Variants in TRPV4 observed in about 807,000 individuals in gnomAD.
The protein encoded by TRPV4 is transient receptor potential cation channel subfamily V member 4, also known as OSM9-like transient receptor potential channel 4.
In TRPV4, 58 loss-of-function variants were observed where a neutral mutation model predicts 84.1. The observed-to-expected ratio is 0.69, with a 90% CI of 0.56 to 0.86. The LOEUF is 0.86. TRPV4 is among the 40% of genes least tolerant of loss of function. TRPV4 has a pLI of 0.00. For missense variants in TRPV4, 879 were observed against 1,181.1 expected (o/e 0.74, Z 3.75); for synonymous variants, 489 against 500.9 (o/e 0.98, Z 0.32).
chr12:109,828,453 G>C (rs1371329107), intron 1 of TRPV4, among the ~76,000 whole-genome samples: 2 of 152,188 alleles, frequency 1.3e-5, no homozygotes, highest in African/African-American at 4.8e-5. Flanking sequence ...GGCCACTGGG[G>C]TGCCAGCTCA....
chr12:109,821,117 A>G (rs1892084027), intron 1 of TRPV4, among the ~76,000 whole-genome samples: 2 of 152,252 alleles, frequency 1.3e-5, no homozygotes, highest in Non-Finnish European at 2.9e-5. Flanking sequence ...TGACCAAGGA[A>G]AGCTGCTTAA....
At chr12:109,789,527 G>T (rs1889905443) in intron 12 of TRPV4, among the ~76,000 whole-genome samples, 1 of 152,100 alleles carries the variant, frequency 6.6e-6, no homozygotes, top group Admixed American at 6.6e-5. Context: ...TCTCTAAGGG[G>T]CCTCTCCTGC....
chr12:109,803,047 C>T lies in TRPV4; in HGVS notation c.656G>A (p.Arg219His), dbSNP rs767331924. 13 of 1,614,152 alleles carry T rather than the reference C, an allele frequency of 8.1e-6. No homozygotes were observed. In the African/African-American group the frequency reaches 1.1e-4, roughly 13 times the overall value. ...TIPVLLDIAE[R>H]TGNMREFINS... ...AATGAACTCCCTCATGTTGCCGGTGCGCTCCGCGATGTCCAGCAGCACAGG... is the reference window on the plus strand; with the variant it reads ...AATGAACTCCCTCATGTTGCCGGTGTGCTCCGCGATGTCCAGCAGCACAGG... Residue 219 changes from arginine (R) to histidine (H), a missense_variant, in exon 4 of 16, where the codon CGC (arginine) becomes CAC (histidine). Physicochemically the swap from Arg to His is conservative, Grantham distance 29. Coordinates refer to ENST00000261740, the MANE Select transcript of TRPV4 (RefSeq NM_021625.5).
At position 109,783,765 on chromosome 12, in the gene TRPV4, C is replaced by G; in HGVS notation, c.2472G>C (p.Ser824=). 6.2e-7 allele frequency: 1 copy of G among 1,611,804 alleles called. No homozygotes were observed. ...TCAGTTCCACCACGCGGGGTACCAC[C>G]GAGGACCAGCGATCTGCACCGAGAG... ...VGRLRRDRWS[S]VVPRVVELNK... is the part of the protein sequence containing the mutation. Residue 824 remains serine, a synonymous_variant, in exon 16 of 16, where the codon TCG becomes TCC. Transcript: ENST00000261740. The surrounding 1 kb of genome is among the most constrained non-coding windows in gnomAD (Gnocchi z 4.6).
At chr12:109,799,347 C>T (rs1225113924) in intron 5 of TRPV4, among the ~76,000 whole-genome samples, 1 of 152,102 alleles carries the variant, frequency 6.6e-6, no homozygotes, top group Non-Finnish European at 1.5e-5. Flanking sequence ...CAGGATTTCG[C>T]CATGTTGGCC....
In TRPV4 at chr12:109,800,759, C is replaced by CT. The variant is rs760776284; in HGVS notation, c.713-2dup. On this transcript the variant is annotated splice_acceptor_variant, in intron 4 of 15. Transcript: ENST00000261740. LOFTEE classifies it high-confidence loss of function. ...ATGGCGATGTGCAGGGCTGTCTGAC[C>CT]TGGGGGCAGGGGACGGTCATCCAGG... 11 of 1,590,140 alleles carry CT rather than the reference C, an allele frequency of 6.9e-6. No homozygotes were observed. The highest frequency in any genetic ancestry group is 9.4e-6 in the Non-Finnish European group (11 of 1,166,900).
Position 109,815,012 on chromosome 12 carries a change from A to G in TRPV4, c.-31-185T>C. Reference sequence around the variant, plus strand: ...GCCAGCCTCAGGCGGGAACTGCAACAGGAGCCTCTTTCACGAACCTGGAAA... The same window carrying G: ...GCCAGCCTCAGGCGGGAACTGCAACGGGAGCCTCTTTCACGAACCTGGAAA... On this transcript the variant is annotated intron_variant, in intron 1 of 15. Coordinates refer to ENST00000261740, the MANE Select transcript of TRPV4 (RefSeq NM_021625.5). This position sits in a 1 kb window ranked among gnomAD's most constrained non-coding sequence, Gnocchi z 4.1. 1 of 609,750 alleles carries G rather than the reference A, an allele frequency of 1.6e-6. No individual in the cohort carries two copies. Among genetic ancestry groups the G allele is most frequent in the South Asian group, 2.0e-5 (1 of 50,654 alleles). The allele number at this position is 609,750 out of a possible 1,614,324, so 37.8% of individuals were successfully genotyped here.
In TRPV4 at chr12:109,798,317, T is replaced by A. The variant is rs1157386601; in HGVS notation, c.1152+297A>T. ...ACAGGTTTGAGGCTGGGAGCACCGC[T>A]GGGCTAGGGCCCGGGGACTCAGTTT... On this transcript the variant is annotated intron_variant, in intron 6 of 15. Transcript: ENST00000261740. The surrounding 1 kb of genome is among the most constrained non-coding windows in gnomAD (Gnocchi z 5.0). 1.3e-5 allele frequency among the ~76,000 whole-genome samples: 2 copies of A among 152,178 alleles called. No individual in the cohort carries two copies. Among genetic ancestry groups the A allele is most frequent in the African/African-American group, 4.8e-5 (2 of 41,446 alleles).
chr12:109,816,336 C>T (rs1242609426), intron 1 of TRPV4, among the ~76,000 whole-genome samples: 1 of 152,194 alleles, frequency 6.6e-6, no homozygotes, highest in Non-Finnish European at 1.5e-5. Flanking sequence ...CTGCTATTTA[C>T]ATGTAGTGTG....
chr12:109,809,845 A>G lies in TRPV4; in HGVS notation c.387-1377T>C, dbSNP rs2136624508. 1.3e-5 allele frequency among the ~76,000 whole-genome samples: 2 copies of G among 152,378 alleles called. 1 individual carries two copies. Among genetic ancestry groups the G allele is most frequent in the African/African-American group, 4.8e-5 (2 of 41,596 alleles). On this transcript the variant is annotated intron_variant, in intron 2 of 15. Coordinates refer to ENST00000261740, the MANE Select transcript of TRPV4 (RefSeq NM_021625.5). ...CATTCATTCCATAACTAACCCATTAATTTATTCATTCAACAAACATTTGAG... is the reference window on the plus strand; with the variant it reads ...CATTCATTCCATAACTAACCCATTAGTTTATTCATTCAACAAACATTTGAG...
In TRPV4 at chr12:109,792,381, T is replaced by C; in HGVS notation, c.1873A>G (p.Met625Val). The C allele has an allele frequency of 6.2e-7, 1 of 1,613,346 alleles. No individual in the cohort carries two copies. Among genetic ancestry groups the C allele is most frequent in the Non-Finnish European group, 8.5e-7 (1 of 1,179,812 alleles). Residue 625 changes from methionine (M) to valine (V), a missense_variant, in exon 12 of 16, where the codon ATG becomes GTG. Transcript: ENST00000261740. ...AGCTCACCTGAAGCGTAGCCGATCA[T>C]GAAGAGCAAGTAGACGAGCAGGAAT... is the stretch of plus-strand genomic sequence containing the variant. ...FRFLLVYLLF[M>V]IGYASALVSL... is the part of the protein sequence containing the mutation.
chr12:109,786,677 C>T lies in TRPV4; in HGVS notation c.2336+33G>A. The T allele has an allele frequency of 6.2e-7, 1 of 1,612,852 alleles. No individual in the cohort carries two copies. Among genetic ancestry groups the T allele is most frequent in the Non-Finnish European group, 8.5e-7 (1 of 1,179,898 alleles). ...CCCGAGCCAGTGGGGACAGTTCCGC[C>T]CTGCCATCCTGGCCCCACTGCCCCA... On this transcript the variant is annotated intron_variant, in intron 14 of 15. Transcript: ENST00000261740. This position sits in a 1 kb window ranked among gnomAD's most constrained non-coding sequence, Gnocchi z 4.5.
Position 109,794,429 on chromosome 12 carries a change from C to A in TRPV4, c.1391G>T (p.Arg464Leu), listed in dbSNP as rs758206734. 5.0e-6 allele frequency: 8 copies of A among 1,614,054 alleles called. No homozygotes were observed. The highest frequency in any genetic ancestry group is 1.7e-5 in the Admixed American group (1 of 60,024). Residue 464 changes from arginine (R) to leucine (L), a missense_variant, in exon 8 of 16, where the codon CGC becomes CTC. This residue lies in a region of TRPV4 where 521 missense variants were observed against 686.6 expected (regional missense o/e 0.76). Transcript: ENST00000261740. ...GTAGAAGGAGACGGCCCCGAACTTG[C>A]GCCACTTGTCCCGCAGCAGTTCATT... ...PINELLRDKW[R>L]KFGAVSFYIN...
chr12:109,793,591 A>G lies in TRPV4; in HGVS notation c.1594T>C (p.Leu532=). 6.2e-7 allele frequency: 1 copy of G among 1,614,000 alleles called. No homozygotes were observed. The highest frequency in any genetic ancestry group is 8.5e-7 in the Non-Finnish European group (1 of 1,179,946). Reference sequence around the variant, plus strand: ...ACTCCAGGGCATTTCTTCATGAACAAGTCTTTGATCTGGAAGACAGGAGGG... The same window carrying G: ...ACTCCAGGGCATTTCTTCATGAACAGGTCTTTGATCTGGAAGACAGGAGGG... ...VLFFFTNIKD[L]FMKKCPGVNS... Residue 532 remains leucine (L), a synonymous_variant, in exon 10 of 16, where the codon TTG becomes CTG. Transcript: ENST00000261740. This position sits in a 1 kb window ranked among gnomAD's most constrained non-coding sequence, Gnocchi z 4.0.
In TRPV4 at chr12:109,814,738, C is replaced by G. The variant is rs1481685350; in HGVS notation, c.59G>C (p.Gly20Ala). The change falls in exon 2 of 16, where the codon GGG becomes GCG. Residue 20 changes from glycine (G) to alanine (A), a missense_variant. Transcript: ENST00000261740. The surrounding 1 kb of genome is among the most constrained non-coding windows in gnomAD (Gnocchi z 5.4). ...AGPGEVAELPGDESGTPGGEA... is the reference protein window; with the variant it reads ...AGPGEVAELPADESGTPGGEA... ...CCCACCTGGGGTGCCACTCTCATCCCCGGGGAGCTCAGCCACCTCCCCGGG... is the reference window on the plus strand; with the variant it reads ...CCCACCTGGGGTGCCACTCTCATCCGCGGGGAGCTCAGCCACCTCCCCGGG... The G allele has an allele frequency of 1.9e-6, 3 of 1,588,746 alleles. No individual in the cohort carries two copies. The highest frequency in any genetic ancestry group is 1.7e-6 in the Non-Finnish European group (2 of 1,169,002).
intron 4 of TRPV4, among the ~76,000 whole-genome samples, 170 bp downstream of exon 4, chr12:109,802,821 T>A (rs534787765): frequency 1.3e-5 from 2 of 150,682 alleles, no homozygotes; most frequent in Admixed American, 6.6e-5. Context: ...CATCCATCCA[T>A]CTATCCATGC....
intron 3 of TRPV4, among the ~76,000 whole-genome samples, chr12:109,806,991 T>C (rs1237705215): frequency 6.6e-6 from 1 of 152,094 alleles, no homozygotes; most frequent in Non-Finnish European, 1.5e-5. Flanking sequence ...AAATGTCCTC[T>C]TCTGGCTGGG....
chr12:109,819,508 C>T (rs564108989), intron 1 of TRPV4, among the ~76,000 whole-genome samples: 10 of 152,344 alleles, frequency 6.6e-5, no homozygotes, highest in African/African-American at 2.2e-4. Context: ...CGTTCCTGCA[C>T]GACTGTGAAC....
At position 109,798,049 on chromosome 12, in the gene TRPV4, C is replaced by G. The variant is rs1890519320; in HGVS notation, c.1152+565G>C. On this transcript the variant is annotated intron_variant, in intron 6 of 15. Coordinates refer to ENST00000261740, the MANE Select transcript of TRPV4 (RefSeq NM_021625.5). This position sits in a 1 kb window ranked among gnomAD's most constrained non-coding sequence, Gnocchi z 5.0. ...GGTTCCCAATCCAGCGATGGTGCCCCCCAGAGGACAATTCAGCAATGTTCT... is the reference window on the plus strand; with the variant it reads ...GGTTCCCAATCCAGCGATGGTGCCCGCCAGAGGACAATTCAGCAATGTTCT... Among the ~76,000 whole-genome samples, 1 of 152,206 alleles carries G rather than the reference C, an allele frequency of 6.6e-6. No homozygotes were observed. Among genetic ancestry groups the G allele is most frequent in the South Asian group, 2.1e-4 (1 of 4,830 alleles).
Sources: allele counts gnomAD v4.1 joint callset (sites outside exome capture counted in the v4.1 genomes callset), GRCh38; gene constraint gnomAD v4.1.1; regional missense constraint gnomAD v4.1.1; non-coding constraint Gnocchi (gnomAD v3.1); transcripts MANE v1.5; gene names NCBI Gene and HGNC (gene_info 2026-07-23, HGNC 2026-07-21).